The following PCDH11X variants were observed in gnomAD, a reference collection of about 807,000 sequenced individuals.
PCDH11X encodes protocadherin 11 X-linked, also known as protocadherin-11 X-linked.
A neutral mutation model predicts 53.3 loss-of-function variants in PCDH11X; 18 were observed. The ratio of observed to expected loss-of-function variants is 0.34; its 90% CI spans 0.23 to 0.50. The LOEUF (loss-of-function observed/expected upper bound fraction) is 0.50, where lower values mean the gene tolerates loss of function less well. PCDH11X is among the 20% of genes least tolerant of loss of function. The pLI, the probability that PCDH11X is intolerant of heterozygous loss-of-function variation, is 0.98. For missense variants in PCDH11X, 570 were observed against 1,032.4 expected, an observed-to-expected ratio of 0.55 and a Z score of 6.14; for synonymous variants, 279 against 393.3, an observed-to-expected ratio of 0.71 and a Z score of 3.44.
intron 7 of PCDH11X, among the ~76,000 whole-genome samples, chrX:92,259,651 C>A (rs959330776): frequency 1.8e-5 from 2 of 111,410 alleles, no homozygotes; most frequent in East Asian, 5.7e-4. Context: ...GGTGAGGACT[C>A]AGATCCAAAC....
At chrX:92,439,449 C>A (rs2148633221) in intron 9 of PCDH11X, among the ~76,000 whole-genome samples, 1 of 110,964 alleles carries the variant, frequency 9.0e-6, no homozygotes, top group Admixed American at 9.6e-5. Context: ...AATGACCAAA[C>A]CATGCGGCTA....
At chrX:92,060,725 A>G (rs1343977566) in intron 6 of PCDH11X, among the ~76,000 whole-genome samples, 1 of 110,979 alleles carries the variant, frequency 9.0e-6, no homozygotes, top group Non-Finnish European at 1.9e-5. Flanking sequence ...TACCTAGTTT[A>G]ACATTGATGG....
chrX:92,223,052 C>T (rs2066910527), intron 7 of PCDH11X, among the ~76,000 whole-genome samples: 1 of 112,126 alleles, frequency 8.9e-6, no homozygotes, highest in Non-Finnish European at 1.9e-5. Context: ...GCAGTGTAAA[C>T]ATAGCTCACT....
At chrX:92,116,682 C>G (rs1403223352) in intron 6 of PCDH11X, among the ~76,000 whole-genome samples, 2 of 110,979 alleles carry the variant, frequency 1.8e-5, no homozygotes, top group Non-Finnish European at 3.8e-5. Context: ...CCCTCCTAGG[C>G]TCAAGCGATC....
At chrX:92,233,964 T>A (rs1270401212) in intron 7 of PCDH11X, among the ~76,000 whole-genome samples, 2 of 112,137 alleles carry the variant, frequency 1.8e-5, no homozygotes, top group African/African-American at 6.5e-5. Context: ...CTGTCAATAT[T>A]GGCATAGTTT....
chrX:92,215,261 C>T (rs1027926446), intron 7 of PCDH11X, among the ~76,000 whole-genome samples: 44 of 109,621 alleles, frequency 4.0e-4, no homozygotes, highest in Admixed American at 6.9e-4. Context: ...TTGCCTCACT[C>T]GGGAAGCGCA....
rs2073019924 is a variant in PCDH11X at position 92,460,643 on chromosome X, G to T, written c.3344-7656G>T. ...GGAGAACAACCCGAGGGAGGTGGAG[G>T]CCCGCTACTCCCTACAGATGGTGCA... On this transcript the variant is annotated intron_variant, in intron 9 of 10. Coordinates refer to ENST00000682573, the MANE Select transcript of PCDH11X (RefSeq NM_032968.5). 4 of 879,322 alleles carry T rather than the reference G, an allele frequency of 4.5e-6. No homozygotes were observed. The Admixed American group carries it at 1.0e-4, about 23-fold the overall frequency. 72.5% of individuals were successfully genotyped at this position (879,322 alleles called of 1,213,427 possible).
At chrX:92,277,936 G>A (rs1411438173) in intron 8 of PCDH11X, among the ~76,000 whole-genome samples, 2 of 111,736 alleles carry the variant, frequency 1.8e-5, no homozygotes, top group Non-Finnish European at 3.8e-5. Flanking sequence ...GACCAAGGCA[G>A]GCATCCCTGT....
Position 92,387,847 on chromosome X carries a change from C to G in PCDH11X, c.3257C>G (p.Pro1086Arg). Residue 1086 changes from proline to arginine, a missense_variant, in exon 9 of 11, where the codon CCC becomes CGC. By Grantham distance (103) the Pro-to-Arg change is moderately radical. Transcript: ENST00000682573. ...CTTACCAGCACATCTCATGGCCTGC[C>G]CCTTGGCTATCCTCAGGAGGAGTAC... ...GSLTSTSHGL[P>R]LGYPQEEYFD... is the part of the protein sequence containing the mutation. The G allele has an allele frequency of 8.3e-7, 1 of 1,211,465 alleles. No individual in the cohort carries two copies. Among genetic ancestry groups the G allele is most frequent in the Non-Finnish European group, 1.1e-6 (1 of 895,395 alleles).
intron 6 of PCDH11X, among the ~76,000 whole-genome samples, chrX:91,881,321 T>C (rs1303757085): frequency 9.0e-6 from 1 of 111,542 alleles, no homozygotes; most frequent in Non-Finnish European, 1.9e-5. Context: ...ATCATAAGAA[T>C]TAGTCAAAAT....
chrX:92,507,749 A>G (rs1338133804), intron 10 of PCDH11X, among the ~76,000 whole-genome samples: 9 of 111,671 alleles, frequency 8.1e-5, no homozygotes, highest in Non-Finnish European at 1.3e-4. Context: ...GAGAATGTGA[A>G]TTCAAAGGAA....
At chrX:92,125,810 C>T (rs936548269) in intron 6 of PCDH11X, among the ~76,000 whole-genome samples, 12 of 110,285 alleles carry the variant, frequency 1.1e-4, no homozygotes, top group Non-Finnish European at 1.9e-5. Context: ...CCCTCCACCC[C>T]CCTACATTTG....
intron 6 of PCDH11X, among the ~76,000 whole-genome samples, chrX:91,942,346 C>T (rs1387496072): frequency 9.0e-6 from 1 of 110,619 alleles, no homozygotes; most frequent in Non-Finnish European, 1.9e-5. Flanking sequence ...GGAGATGCAA[C>T]TTTGTAATAT....
chrX:92,572,252 G>C (rs912003407), intron 10 of PCDH11X, among the ~76,000 whole-genome samples: 50 of 111,598 alleles, frequency 4.5e-4, no homozygotes, highest in African/African-American at 1.6e-3. Context: ...GATTTTATCA[G>C]AGTTGAGAGC....
chrX:92,330,597 A>G (rs1222919554), intron 8 of PCDH11X, among the ~76,000 whole-genome samples: 2 of 110,028 alleles, frequency 1.8e-5, no homozygotes, highest in East Asian at 5.8e-4. Flanking sequence ...AAATGAAACT[A>G]AAAAGACTTG....
chrX:92,306,217 T>G (rs185174765), intron 8 of PCDH11X, among the ~76,000 whole-genome samples: 4,088 of 105,496 alleles, frequency 0.039, 96 homozygotes, highest in South Asian at 0.081. Context: ...TAAAACAATT[T>G]ACCAAAACTT....
chrX:91,787,362 G>A (rs1371659828), intron 1 of PCDH11X, among the ~76,000 whole-genome samples: 4 of 111,153 alleles, frequency 3.6e-5, no homozygotes, highest in African/African-American at 6.5e-5. Context: ...CATATCAACC[G>A]AAAGGATATT....
chrX:92,557,861 G>T (rs2075069926), intron 10 of PCDH11X, among the ~76,000 whole-genome samples: 1 of 109,536 alleles, frequency 9.1e-6, no homozygotes, highest in Admixed American at 9.8e-5. Context: ...ATAAAGGGAA[G>T]AGGTTTAATT....
chrX:92,058,979 C>T (rs1448606115), intron 6 of PCDH11X, among the ~76,000 whole-genome samples: 3 of 110,362 alleles, frequency 2.7e-5, no homozygotes, highest in African/African-American at 6.6e-5. Flanking sequence ...ATTATATGTT[C>T]CCAAGTGTTT....
Sources: allele counts gnomAD v4.1 joint callset (sites outside exome capture counted in the v4.1 genomes callset), GRCh38; gene constraint gnomAD v4.1.1; transcripts MANE v1.5; gene names NCBI Gene and HGNC (gene_info 2026-07-23, HGNC 2026-07-21).